The following PCDH15 variants were observed in gnomAD, a reference collection of about 807,000 sequenced individuals.
The protein encoded by PCDH15 is protocadherin-15.
A neutral mutation model predicts 178.5 loss-of-function variants in PCDH15; 129 were observed. The ratio of observed to expected loss-of-function variants is 0.72; its 90% CI spans 0.63 to 0.84. PCDH15 has a LOEUF of 0.84. Ranked by LOEUF, PCDH15 falls within the 40% of genes least tolerant of loss-of-function variation. The pLI is 0.00. For synonymous variants in PCDH15, 800 were observed against 732.0 expected (o/e 1.09, Z -1.50); for missense variants, 2,230 against 2,099.9 (o/e 1.06, Z -1.21).
At chr10:54,223,202 C>G (rs1002198165) in intron 9 of PCDH15, among the ~76,000 whole-genome samples, 1 of 148,648 alleles carries the variant, frequency 6.7e-6, no homozygotes, top group Non-Finnish European at 1.5e-5. Context: ...TCTAGGTACT[C>G]GAGAGGCTGA....
intron 2 of PCDH15, among the ~76,000 whole-genome samples, chr10:55,474,532 T>C (rs1266314784): frequency 6.6e-5 from 10 of 152,216 alleles, no homozygotes; most frequent in African/African-American, 2.4e-4. Flanking sequence ...TCTCCATCTC[T>C]GACTTTGCAT....
rs538877205 is a variant in PCDH15 at position 54,039,602 on chromosome 10, G to A, written c.2221-16405C>T. On this transcript the variant is annotated intron_variant, in intron 18 of 37. Transcript: ENST00000644397. The stretch of plus-strand genomic sequence containing the variant: ...ATACCATGAAGTCATGAGAATTACA[G>A]TATATAGTGTGCCCAGAGCTGTGAA... 3.9e-5 allele frequency among the ~76,000 whole-genome samples: 6 copies of A among 152,016 alleles called. No homozygotes were observed. In the East Asian group the frequency reaches 7.8e-4, roughly 20 times the overall value.
chr10:54,823,219 ACACACACG>A (rs1414620980), intron 3 of PCDH15, among the ~76,000 whole-genome samples: 3 of 147,192 alleles, frequency 2.0e-5, no homozygotes, highest in Non-Finnish European at 4.5e-5. Context: ...ACACACACAC[ACACACACG>A]CACACGCACA....
chr10:55,231,356 C>T (rs972982337), intron 1 of PCDH15, among the ~76,000 whole-genome samples: 4 of 151,960 alleles, frequency 2.6e-5, no homozygotes, highest in Admixed American at 6.6e-5. Context: ...GTCTTGCATA[C>T]TGACTCCCGA....
intron 26 of PCDH15, among the ~76,000 whole-genome samples, chr10:53,869,427 A>G (rs762037815): frequency 2.0e-5 from 3 of 152,230 alleles, no homozygotes; most frequent in Non-Finnish European, 2.9e-5. Context: ...TCTTCCACAT[A>G]GAATGAGCAA....
intron 3 of PCDH15, among the ~76,000 whole-genome samples, chr10:54,815,211 A>C (rs1457538839): frequency 1.3e-5 from 2 of 152,036 alleles, no homozygotes; most frequent in African/African-American, 4.8e-5. Context: ...ATATTGAAAA[A>C]ATTAAGAAAA....
intron 1 of PCDH15, among the ~76,000 whole-genome samples, chr10:55,296,729 T>C (rs1338247943): frequency 6.6e-6 from 1 of 152,140 alleles, no homozygotes; most frequent in East Asian, 1.9e-4. Flanking sequence ...TTATTTTTTT[T>C]AAACTTAGAC....
At chr10:55,187,023 C>T (rs1033362351) in intron 1 of PCDH15, among the ~76,000 whole-genome samples, 1 of 151,850 alleles carries the variant, frequency 6.6e-6, no homozygotes, top group African/African-American at 2.4e-5. Flanking sequence ...AATAAATGCA[C>T]TTATTTTTTC....
chr10:55,478,730 T>C (rs530966329), intron 2 of PCDH15, among the ~76,000 whole-genome samples: 109 of 150,542 alleles, frequency 7.2e-4, no homozygotes, highest in African/African-American at 2.5e-3. Context: ...AGCTAAAAAG[T>C]TGACAAATCT....
At chr10:54,915,455 T>G (rs1460085094) in intron 2 of PCDH15, among the ~76,000 whole-genome samples, 1 of 152,176 alleles carries the variant, frequency 6.6e-6, no homozygotes, top group Non-Finnish European at 1.5e-5. Flanking sequence ...AACTCTGAAG[T>G]GTTCTCCTGG....
chr10:54,317,435 CACGGTCCTGTT>C lies in PCDH15; in HGVS notation c.706-5_711del. On this transcript the variant is annotated splice_acceptor_variant and splice_polypyrimidine_tract_variant and coding_sequence_variant and intron_variant, in exon 8 of 38. Coordinates refer to ENST00000644397, the MANE Select transcript of PCDH15 (RefSeq NM_001384140.1). LOFTEE classifies it high-confidence loss of function. ...GTTCGCCTCTCATTCAGATTTTGGG[CACGGTCCTGTT>C]AGGGAGAAAAACAAACAACAGGTAG... The C allele has an allele frequency of 6.2e-7, 1 of 1,613,752 alleles. No homozygotes were observed. The highest frequency in any genetic ancestry group is 8.5e-7 in the Non-Finnish European group (1 of 1,179,828).
At chr10:54,593,095 T>C (rs1023074359) in intron 2 of PCDH15, among the ~76,000 whole-genome samples, 4 of 152,198 alleles carry the variant, frequency 2.6e-5, no homozygotes, top group African/African-American at 9.6e-5. Context: ...TTATCAGATA[T>C]ACAGTTGCAA....
intron 2 of PCDH15, among the ~76,000 whole-genome samples, chr10:54,914,332 T>A (rs1423711123): frequency 6.6e-6 from 1 of 152,184 alleles, no homozygotes; most frequent in Non-Finnish European, 1.5e-5. Flanking sequence ...CTCTTTTTCC[T>A]GCTCCAGTGA....
At chr10:54,790,315 C>G (rs576101897) in intron 1 of PCDH15, among the ~76,000 whole-genome samples, 1 of 151,506 alleles carries the variant, frequency 6.6e-6, no homozygotes, top group Admixed American at 6.6e-5. Flanking sequence ...AATCCACACA[C>G]ACATTTTTAC....
At chr10:54,685,525 A>G (rs1440668779) in intron 1 of PCDH15, among the ~76,000 whole-genome samples, 2 of 152,186 alleles carry the variant, frequency 1.3e-5, no homozygotes, top group Non-Finnish European at 2.9e-5. Context: ...TTTTTCAGCT[A>G]TGTTATAGCC....
chr10:55,447,459 A>C (rs1402514989), intron 2 of PCDH15, among the ~76,000 whole-genome samples: 1 of 152,036 alleles, frequency 6.6e-6, no homozygotes, highest in Non-Finnish European at 1.5e-5. Flanking sequence ...TTCAACAAAA[A>C]AGAGAAATAA....
intron 23 of PCDH15, among the ~76,000 whole-genome samples, chr10:53,954,332 A>C (rs2134215287): frequency 6.6e-6 from 1 of 152,310 alleles, no homozygotes; most frequent in East Asian, 1.9e-4. Context: ...GGAAGAAGAC[A>C]ATGATAGGTC....
At chr10:55,155,643 T>C (rs1838863799) in intron 2 of PCDH15, among the ~76,000 whole-genome samples, 1 of 152,076 alleles carries the variant, frequency 6.6e-6, no homozygotes, top group South Asian at 2.1e-4. Flanking sequence ...GTAATAAATA[T>C]TTTTAACAAC....
intron 8 of PCDH15, among the ~76,000 whole-genome samples, chr10:54,301,769 G>T (rs573709514): frequency 6.6e-6 from 1 of 152,300 alleles, no homozygotes; most frequent in Non-Finnish European, 1.5e-5. Context: ...AACATTCCTA[G>T]CATGTGGGGA....
Sources: gnomAD v4.1 joint callset for allele counts (sites outside exome capture counted in the v4.1 genomes callset) on GRCh38, gnomAD v4.1.1 for gene constraint, MANE v1.5 for transcripts, NCBI Gene and HGNC (gene_info 2026-07-23, HGNC 2026-07-21) for gene names.